Variants in CORIN observed in about 807,000 individuals in gnomAD.
CORIN encodes the protein corin, serine peptidase.
In CORIN, 117 loss-of-function variants were observed where a neutral mutation model predicts 125.3. The ratio of observed to expected loss-of-function variants is 0.93; its 90% confidence interval spans 0.80 to 1.09. The LOEUF (loss-of-function observed/expected upper bound fraction) is 1.09, where lower values mean the gene tolerates loss of function less well. Ranked by LOEUF, CORIN falls within the 50% of genes least tolerant of loss-of-function variation. The pLI is 0.00. For missense variants in CORIN, 1,253 were observed against 1,306.7 expected (o/e 0.96, Z 0.63); for synonymous variants, 450 against 466.4 (o/e 0.96, Z 0.45).
intron 5 of CORIN, among the ~76,000 whole-genome samples, chr4:47,709,208 G>A (rs1726721346): frequency 6.6e-6 from 1 of 152,220 alleles, no homozygotes; most frequent in South Asian, 2.1e-4. Flanking sequence ...CAAAGAGGCA[G>A]TTGCAGAAAG....
At chr4:47,630,627 T>C (rs12512399) in intron 16 of CORIN, among the ~76,000 whole-genome samples, 39,675 of 152,074 alleles carry the variant, frequency 0.26, 5,407 homozygotes, top group Admixed American at 0.36. Context: ...GAGGCCCAAT[T>C]GCCATTTGTC....
At chr4:47,693,980 C>G (rs1429846842) in intron 5 of CORIN, among the ~76,000 whole-genome samples, 2 of 152,016 alleles carry the variant, frequency 1.3e-5, no homozygotes, top group Non-Finnish European at 2.9e-5. Flanking sequence ...TTAGACTTCA[C>G]AAAAAGGAAA....
At chr4:47,756,845 T>C (rs1168044086) in intron 4 of CORIN, among the ~76,000 whole-genome samples, 1 of 152,248 alleles carries the variant, frequency 6.6e-6, no homozygotes, top group Non-Finnish European at 1.5e-5. Context: ...GTCTCCTCCA[T>C]TTCAATTAGC....
rs761901344 is a variant in CORIN, at chr4:47,661,851, A to T, written c.1595T>A (p.Leu532Ter). The T allele has an allele frequency of 2.5e-6, 4 of 1,602,656 alleles. No individual in the cohort carries two copies. Among genetic ancestry groups the T allele is most frequent in the Non-Finnish European group, 2.6e-6 (3 of 1,173,020 alleles). Residue 532 changes from leucine to a stop codon, truncating the protein, a stop_gained, in exon 12 of 22, where the codon TTG becomes TAG. Transcript: ENST00000273857. LOFTEE classifies it high-confidence loss of function. ...TGEHIPPCRA[L>*]CEHSKERCES... is the part of the protein sequence containing the mutation. ...ACAGCGTTCTTTAGAGTGTTCACAC[A>T]ATGCCCTAGATGAACAAGAAAGACA...
At chr4:47,828,499 C>CCA in intron 1 of CORIN, among the ~76,000 whole-genome samples, 1 of 152,298 alleles carries the variant, frequency 6.6e-6, no homozygotes, top group East Asian at 1.9e-4. Context: ...TTGGTGAACA[C>CCA]ATCTACATTC....
Position 47,829,273 on chromosome 4 carries a change from CAA to C in CORIN, c.63+8612_63+8613del, listed in dbSNP as rs1403610797. Among the ~76,000 whole-genome samples the C allele has an allele frequency of 2.0e-5, 3 of 147,436 alleles. No individual in the cohort carries two copies. In the Admixed American group the frequency reaches 2.0e-4, roughly 10 times the overall value. ...TTGAGTTAAGCTATCTTATTAAGTT[CAA>C]ATTTATCTGTTTCTTTTTGCTTTTT... On this transcript the variant is annotated intron_variant, in intron 1 of 21. Transcript: ENST00000273857.
intron 3 of CORIN, among the ~76,000 whole-genome samples, chr4:47,782,813 T>C (rs528876382): frequency 6.6e-6 from 1 of 152,244 alleles, no homozygotes; most frequent in East Asian, 1.9e-4. Flanking sequence ...CCACATATTG[T>C]CTGTTGCTTT....
intron 4 of CORIN, among the ~76,000 whole-genome samples, chr4:47,762,623 A>T (rs1729520002): frequency 6.6e-6 from 1 of 152,154 alleles, no homozygotes; most frequent in Admixed American, 6.5e-5. Context: ...AGAACCACCC[A>T]ACATCTATGT....
At chr4:47,723,642 C>T (rs945836098) in intron 5 of CORIN, among the ~76,000 whole-genome samples, 5 of 152,038 alleles carry the variant, frequency 3.3e-5, no homozygotes, top group African/African-American at 1.2e-4. Flanking sequence ...TCTAACAGGA[C>T]CCAGAATATC....
At position 47,802,846 on chromosome 4, in the gene CORIN, A is replaced by G. The variant is rs541122275; in HGVS notation, c.208+4057T>C. The stretch of plus-strand genomic sequence containing the variant: ...GCTGGCTTCAAGTCTCAACTAGCAC[A>G]GTCCCAGTGGTAGTGGCCATGGGGA... On this transcript the variant is annotated intron_variant, in intron 2 of 21. Coordinates refer to ENST00000273857, the MANE Select transcript of CORIN (RefSeq NM_006587.4). Among the ~76,000 whole-genome samples, 138 of 152,312 alleles carry G rather than the reference A, an allele frequency of 9.1e-4. 2 individuals are homozygous for G. Among genetic ancestry groups the G allele is most frequent in the Middle Eastern group, 3.4e-3 (1 of 294 alleles).
Position 47,770,306 on chromosome 4 carries a change from A to G in CORIN, c.410-6720T>C, listed in dbSNP as rs112999364. Among the ~76,000 whole-genome samples the G allele has an allele frequency of 7.2e-4, 110 of 152,294 alleles. 1 individual carries two copies. The highest frequency in any genetic ancestry group is 2.5e-3 in the African/African-American group (104 of 41,574). On this transcript the variant is annotated intron_variant, in intron 3 of 21. Transcript: ENST00000273857. ...ATGCAAATTAAAACCATAATGAGCT[A>G]TTACCTCATACCTGTTAGGATGGCT...
chr4:47,759,362 A>G (rs1252495846), intron 4 of CORIN, among the ~76,000 whole-genome samples: 1 of 152,224 alleles, frequency 6.6e-6, no homozygotes, highest in Non-Finnish European at 1.5e-5. Context: ...AAAAGTAGAC[A>G]AATGAGATTT....
intron 3 of CORIN, among the ~76,000 whole-genome samples, chr4:47,783,696 C>T (rs1205369986): frequency 6.6e-6 from 1 of 151,948 alleles, no homozygotes; most frequent in Admixed American, 6.6e-5. Context: ...TAATACAGAT[C>T]TAAGACATTA....
intron 17 of CORIN, among the ~76,000 whole-genome samples, chr4:47,624,235 GGAA>G (rs894189348): frequency 6.6e-6 from 1 of 151,990 alleles, no homozygotes; most frequent in African/African-American, 2.4e-5. Flanking sequence ...CACATTTGTG[GGAA>G]AAGAAACTAT....
chr4:47,683,560 A>C (rs1725381773), intron 7 of CORIN, 171 bp downstream of exon 7: 5 of 549,282 alleles, frequency 9.1e-6, no homozygotes, highest in African/African-American at 7.6e-5. Flanking sequence ...TTTACACATA[A>C]GACATTACTG....
chr4:47,817,780 G>C (rs1732339432), intron 1 of CORIN, among the ~76,000 whole-genome samples: 1 of 152,142 alleles, frequency 6.6e-6, no homozygotes, highest in Non-Finnish European at 1.5e-5. Flanking sequence ...CAATCCTTAA[G>C]ATGCACAGAA....
At chr4:47,813,994 G>A (rs1056044168) in intron 1 of CORIN, among the ~76,000 whole-genome samples, 1 of 152,068 alleles carries the variant, frequency 6.6e-6, no homozygotes, top group Non-Finnish European at 1.5e-5. Context: ...ATGACCATTT[G>A]TCTTATCACA....
At chr4:47,660,412 T>C (rs1724189710) in intron 12 of CORIN, among the ~76,000 whole-genome samples, 1 of 152,136 alleles carries the variant, frequency 6.6e-6, no homozygotes, top group Admixed American at 6.5e-5. Flanking sequence ...GAGAAAATAT[T>C]TGCAAAATAT....
chr4:47,828,157 G>A (rs190935085), intron 1 of CORIN, among the ~76,000 whole-genome samples: 57 of 152,282 alleles, frequency 3.7e-4, no homozygotes, highest in Admixed American at 3.3e-4. Context: ...TCAGAAGTAT[G>A]TGTTTGTTTT....
Sources: gnomAD v4.1 joint callset for allele counts (sites outside exome capture counted in the v4.1 genomes callset) on GRCh38, gnomAD v4.1.1 for gene constraint, MANE v1.5 for transcripts, NCBI Gene and HGNC (gene_info 2026-07-23, HGNC 2026-07-21) for gene names.